Variants in BICC1 observed in about 807,000 individuals in gnomAD.
BICC1 encodes the protein protein bicaudal C homolog 1.
Under a neutral mutation model 111.0 loss-of-function variants are expected in BICC1, and 43 were observed. The observed-to-expected ratio is 0.39, with a 90% CI of 0.30 to 0.50. The LOEUF is 0.50. BICC1 is among the 20% of genes least tolerant of loss of function. The pLI is 0.88. For synonymous variants in BICC1, 467 were observed against 434.4 expected, an observed-to-expected ratio of 1.07 and a Z score of -0.93; for missense variants, 1,091 against 1,203.2, an observed-to-expected ratio of 0.91 and a Z score of 1.38.
chr10:58,562,661 G>T (rs1358506010), intron 1 of BICC1, among the ~76,000 whole-genome samples: 1 of 151,846 alleles, frequency 6.6e-6, no homozygotes, highest in Non-Finnish European at 1.5e-5. Context: ...TCCTTTGGAG[G>T]TGTCATATTC....
chr10:58,541,088 A>G (rs1842965594), intron 1 of BICC1, among the ~76,000 whole-genome samples: 1 of 152,120 alleles, frequency 6.6e-6, no homozygotes, highest in Admixed American at 6.6e-5. Flanking sequence ...AAAAGCCCAC[A>G]ACTGACATCA....
At chr10:58,742,309 C>T (rs1030232815) in intron 3 of BICC1, among the ~76,000 whole-genome samples, 6 of 151,886 alleles carry the variant, frequency 4.0e-5, no homozygotes, top group African/African-American at 1.5e-4. Context: ...TACTGTCTAG[C>T]TCTTACGGCA....
intron 3 of BICC1, among the ~76,000 whole-genome samples, chr10:58,713,776 T>A (rs955840023): frequency 2.0e-5 from 3 of 152,254 alleles, no homozygotes; most frequent in Non-Finnish European, 4.4e-5. Flanking sequence ...CTCACCTGAC[T>A]TTTAGAAGTG....
At chr10:58,690,761 C>T (rs1839885262) in intron 2 of BICC1, among the ~76,000 whole-genome samples, 1 of 152,048 alleles carries the variant, frequency 6.6e-6, no homozygotes, top group Non-Finnish European at 1.5e-5. Flanking sequence ...CCATCAGGAC[C>T]TACTAAGCTA....
chr10:58,566,792 T>C (rs1843778276), intron 1 of BICC1, among the ~76,000 whole-genome samples: 1 of 152,154 alleles, frequency 6.6e-6, no homozygotes, highest in Non-Finnish European at 1.5e-5. Context: ...GTACCCCTTA[T>C]CTTCTGATGT....
intron 1 of BICC1, among the ~76,000 whole-genome samples, chr10:58,520,663 T>C (rs1842364049): frequency 6.6e-6 from 1 of 152,142 alleles, no homozygotes; most frequent in Non-Finnish European, 1.5e-5. Context: ...GTATCTCTTA[T>C]ATAGAAAGGT....
intron 3 of BICC1, among the ~76,000 whole-genome samples, chr10:58,735,244 G>A (rs1841432334): frequency 6.6e-6 from 1 of 152,182 alleles, no homozygotes; most frequent in Admixed American, 6.5e-5. Flanking sequence ...TTTGGAACAT[G>A]TAGTCTTCTG....
chr10:58,652,326 A>G (rs909769924), intron 2 of BICC1, among the ~76,000 whole-genome samples: 9 of 152,278 alleles, frequency 5.9e-5, no homozygotes, highest in African/African-American at 2.2e-4. Flanking sequence ...GCGGTAGCCA[A>G]ATTAATATGT....
chr10:58,787,182 A>G, intron 5 of BICC1, 101 bp downstream of exon 5: 1 of 1,095,698 alleles, frequency 9.1e-7, no homozygotes, highest in South Asian at 1.8e-5. Context: ...GACAAAAAAA[A>G]AATCACATAG....
chr10:58,806,312 A>AT (rs889268035), intron 15 of BICC1, among the ~76,000 whole-genome samples: 3 of 151,730 alleles, frequency 2.0e-5, no homozygotes, highest in East Asian at 3.9e-4. Context: ...GGTAAATAAG[A>AT]TTTTTTTTTC....
intron 2 of BICC1, among the ~76,000 whole-genome samples, chr10:58,675,878 C>T (rs1167660749): frequency 6.6e-6 from 1 of 152,246 alleles, no homozygotes; most frequent in Non-Finnish European, 1.5e-5. Context: ...TGGTCTGCAG[C>T]TCCCAGAGAG....
chr10:58,754,590 T>C (rs954306477), intron 3 of BICC1, among the ~76,000 whole-genome samples: 20 of 152,240 alleles, frequency 1.3e-4, no homozygotes, highest in African/African-American at 4.6e-4. Flanking sequence ...TGGCAACCTT[T>C]GCTCAGTACA....
intron 1 of BICC1, among the ~76,000 whole-genome samples, chr10:58,584,214 G>A (rs1844369580): frequency 6.6e-6 from 1 of 151,936 alleles, no homozygotes; most frequent in South Asian, 2.1e-4. Flanking sequence ...TTCCTTTATC[G>A]TTTCAGCATT....
At chr10:58,717,620 T>C (rs550412328) in intron 3 of BICC1, among the ~76,000 whole-genome samples, 25 of 152,362 alleles carry the variant, frequency 1.6e-4, no homozygotes, top group African/African-American at 5.5e-4. Flanking sequence ...ATTGCATGTA[T>C]ATGTAGGATA....
At chr10:58,731,729 AGAGG>A (rs1841303650) in intron 3 of BICC1, among the ~76,000 whole-genome samples, 1 of 73,950 alleles carries the variant, frequency 1.4e-5, no homozygotes, top group Non-Finnish European at 3.0e-5. Context: ...AGAGAGAGAG[AGAGG>A]GAGGGAGTGG....
Position 58,791,543 on chromosome 10 carries a change from C to T in BICC1, c.1047+1610C>T, listed in dbSNP as rs1843177378. Among the ~76,000 whole-genome samples the T allele has an allele frequency of 2.0e-5, 3 of 152,260 alleles. No individual in the cohort carries two copies. The South Asian group carries it at 6.2e-4, about 32-fold the overall frequency. On this transcript the variant is annotated intron_variant, in intron 8 of 20. Coordinates refer to ENST00000373886, the MANE Select transcript of BICC1 (RefSeq NM_001080512.3). ...ACAAGGTCAGGAGTTCAAGACCAGC[C>T]TGGCCAATATGGTGAAACCCCATCT... is the stretch of plus-strand genomic sequence containing the variant.
chr10:58,665,509 A>G (rs1433396794), intron 2 of BICC1, among the ~76,000 whole-genome samples: 2 of 152,134 alleles, frequency 1.3e-5, no homozygotes, highest in Non-Finnish European at 2.9e-5. Flanking sequence ...GAATACAGCC[A>G]TAACTAAATG....
At chr10:58,793,660 T>C in intron 9 of BICC1, 45 bp downstream of exon 9, 1 of 1,592,360 alleles carries the variant, frequency 6.3e-7, no homozygotes. Flanking sequence ...TCATATCATA[T>C]GCTGTATAGT....
chr10:58,777,280 T>G (rs2132749157), intron 3 of BICC1, among the ~76,000 whole-genome samples: 1 of 152,164 alleles, frequency 6.6e-6, no homozygotes, highest in Admixed American at 6.6e-5. Context: ...TATGCACAAT[T>G]TACCTCTTCT....
Sources: allele counts gnomAD v4.1 joint callset (sites outside exome capture counted in the v4.1 genomes callset), GRCh38; gene constraint gnomAD v4.1.1; transcripts MANE v1.5; gene names NCBI Gene and HGNC (gene_info 2026-07-23, HGNC 2026-07-21).